GABRA2: variants seen among roughly 807,000 people sequenced by gnomAD.
The protein encoded by GABRA2 is gamma-aminobutyric acid receptor subunit alpha-2.
In GABRA2, 16 loss-of-function variants were observed where a neutral mutation model predicts 48.7. The observed-to-expected ratio is 0.33, with a 90% CI of 0.22 to 0.50. GABRA2 has a LOEUF of 0.50. Among genes scored for constraint, GABRA2 ranks in the 20% least tolerant of loss-of-function variants. The pLI, the probability that GABRA2 is intolerant of heterozygous loss-of-function variation, is 0.98. For synonymous variants in GABRA2, 185 were observed against 184.5 expected, an observed-to-expected ratio of 1.00 and a Z score of -0.02; for missense variants, 275 against 535.6, an observed-to-expected ratio of 0.51 and a Z score of 4.80.
intron 3 of GABRA2, chr4:46,363,606 A>G (rs894343335): frequency 8.5e-5 from 13 of 152,206 alleles, no homozygotes; most frequent in African/African-American, 2.9e-4. Flanking sequence ...AATAAACTTT[A>G]TTATATAAAA....
chr4:46,329,208 C>G (rs1039520121), intron 4 of GABRA2, among the ~76,000 whole-genome samples: 1 of 152,012 alleles, frequency 6.6e-6, no homozygotes, highest in African/African-American at 2.4e-5. Flanking sequence ...CAAATCCACC[C>G]TTCTTTCATT....
At chr4:46,285,396 CT>C (rs1722360666) in intron 8 of GABRA2, among the ~76,000 whole-genome samples, 1 of 151,862 alleles carries the variant, frequency 6.6e-6, no homozygotes, top group Non-Finnish European at 1.5e-5. Context: ...TACAGATAAC[CT>C]GGCAGCCTTG....
At chr4:46,251,844 TTCC>T (rs1409591886) in intron 9 of GABRA2, among the ~76,000 whole-genome samples, 1 of 151,478 alleles carries the variant, frequency 6.6e-6, no homozygotes, top group East Asian at 2.0e-4. Flanking sequence ...GCATGAAGCC[TTCC>T]ACAAGTTAGC....
intron 4 of GABRA2, among the ~76,000 whole-genome samples, chr4:46,330,593 G>T (rs375059184): frequency 2.8e-4 from 35 of 124,114 alleles, no homozygotes; most frequent in African/African-American, 7.6e-4. Flanking sequence ...TATATATATA[G>T]AGAGAGAGAG....
At chr4:46,340,905 C>T (rs371503606) in intron 3 of GABRA2, among the ~76,000 whole-genome samples, 1 of 151,940 alleles carries the variant, frequency 6.6e-6, no homozygotes, top group Admixed American at 6.6e-5. Flanking sequence ...GTCTTTAAGG[C>T]TGTATTCGTT....
intron 4 of GABRA2, among the ~76,000 whole-genome samples, chr4:46,323,501 C>T (rs528977810): frequency 5.3e-5 from 8 of 151,940 alleles, no homozygotes; most frequent in East Asian, 1.9e-4. Flanking sequence ...AAAGCATTAT[C>T]GTACTGTTTT....
intron 8 of GABRA2, among the ~76,000 whole-genome samples, chr4:46,266,577 T>A (rs1282456098): frequency 6.6e-6 from 1 of 151,418 alleles, no homozygotes; most frequent in Non-Finnish European, 1.5e-5. Flanking sequence ...GCCTTTGGCA[T>A]TCCACAGTTT....
chr4:46,330,156 T>G (rs375212490), intron 4 of GABRA2, among the ~76,000 whole-genome samples: 2 of 152,094 alleles, frequency 1.3e-5, no homozygotes, highest in Non-Finnish European at 1.5e-5. Context: ...CAACCTATAT[T>G]GGTAGTGTGA....
intron 3 of GABRA2, among the ~76,000 whole-genome samples, chr4:46,351,263 G>A (rs542980612): frequency 6.6e-6 from 1 of 151,896 alleles, no homozygotes; most frequent in African/African-American, 2.4e-5. Flanking sequence ...AGTGAGTGCA[G>A]AAATTCATAG....
intron 8 of GABRA2, among the ~76,000 whole-genome samples, chr4:46,286,769 G>A (rs894461499): frequency 7.9e-5 from 12 of 152,004 alleles, no homozygotes; most frequent in Non-Finnish European, 1.8e-4. Context: ...GTCTGTTCAA[G>A]TCTTTGCCCA....
intron 8 of GABRA2, among the ~76,000 whole-genome samples, chr4:46,298,027 A>G (rs1333203876): frequency 3.3e-5 from 5 of 152,004 alleles, no homozygotes; most frequent in South Asian, 2.1e-4. Flanking sequence ...TGATTTCCAC[A>G]TATTGGTAAA....
At chr4:46,312,983 T>A (rs147315503) in intron 4 of GABRA2, among the ~76,000 whole-genome samples, 2 of 152,042 alleles carry the variant, frequency 1.3e-5, no homozygotes, top group African/African-American at 4.8e-5. Context: ...TTGAACAAGG[T>A]CTCAGTCAAA....
chr4:46,309,291 A>G (rs1727225632), intron 6 of GABRA2, among the ~76,000 whole-genome samples: 1 of 152,114 alleles, frequency 6.6e-6, no homozygotes, highest in Admixed American at 6.6e-5. Context: ...GTTTGTGAGG[A>G]GAAGGCATAC....
At chr4:46,331,325 T>A (rs1244892056) in intron 4 of GABRA2, among the ~76,000 whole-genome samples, 1 of 152,118 alleles carries the variant, frequency 6.6e-6, no homozygotes, top group African/African-American at 2.4e-5. Flanking sequence ...GCCACCCAGG[T>A]CAAGATAAGA....
intron 6 of GABRA2, 71 bp from the exon 7 acceptor site, chr4:46,305,782 T>C: frequency 1.8e-6 from 2 of 1,118,900 alleles, no homozygotes; most frequent in South Asian, 2.8e-5. Context: ...CACGAACGGT[T>C]GTGTATTTCA....
intron 3 of GABRA2, among the ~76,000 whole-genome samples, chr4:46,375,880 G>GA (rs1481195055): frequency 3.3e-5 from 5 of 152,194 alleles, no homozygotes; most frequent in African/African-American, 1.2e-4. Context: ...CCCTTAGTAA[G>GA]AAACAGTTGA....
chr4:46,329,244 A>G (rs1215417930), intron 4 of GABRA2, among the ~76,000 whole-genome samples: 3 of 152,054 alleles, frequency 2.0e-5, no homozygotes, highest in African/African-American at 4.8e-5. Flanking sequence ...GATGGATCCT[A>G]TAAATACTGC....
At chr4:46,389,034 G>GCA (rs899572749) in intron 1 of GABRA2, 28 of 1,114,336 alleles carry the variant, frequency 2.5e-5, no homozygotes, top group African/African-American at 9.2e-5. Context: ...ACTGTTTTGC[G>GCA]CACACGTAAT....
At chr4:46,333,858 G>A (rs1731771174) in intron 3 of GABRA2, among the ~76,000 whole-genome samples, 1 of 152,012 alleles carries the variant, frequency 6.6e-6, no homozygotes, top group Non-Finnish European at 1.5e-5. Context: ...TATAACCCAA[G>A]CAATCTAGTT....
Sources: allele counts gnomAD v4.1 joint callset (sites outside exome capture counted in the v4.1 genomes callset), GRCh38; gene constraint gnomAD v4.1.1; transcripts MANE v1.5; gene names NCBI Gene and HGNC (gene_info 2026-07-23, HGNC 2026-07-21).